Variants in AFAP1L1 observed in about 807,000 individuals in gnomAD.
The protein encoded by AFAP1L1 is actin filament-associated protein 1-like 1.
A neutral mutation model predicts 99.8 loss-of-function variants in AFAP1L1; 77 were observed. That is an observed-to-expected ratio of 0.77 (90% CI 0.64 to 0.93). The LOEUF (loss-of-function observed/expected upper bound fraction) is 0.93. AFAP1L1 is among the 40% of genes least tolerant of loss of function. The pLI is 0.00. For synonymous variants in AFAP1L1, 373 were observed against 395.3 expected, an observed-to-expected ratio of 0.94 and a Z score of 0.67; for missense variants, 893 against 996.8, an observed-to-expected ratio of 0.90 and a Z score of 1.40.
Position 149,342,586 on chromosome 5 carries a change from G to A in AFAP1L1, c.*2556G>A, listed in dbSNP as rs1353747305. Among the ~76,000 whole-genome samples, 2 of 152,212 alleles carry A rather than the reference G, an allele frequency of 1.3e-5. No homozygotes were observed. Among genetic ancestry groups the A allele is most frequent in the African/African-American group, 2.4e-5 (1 of 41,454 alleles). ...GGAGAAATGTAAGCAAAATGGCTAA[G>A]GCACAGATGCCACTTGTTCTTGGTT... On this transcript the variant is annotated 3_prime_UTR_variant, in exon 19 of 19. Transcript: ENST00000296721.
intron 3 of AFAP1L1, 76 bp from the exon 4 acceptor site, chr5:149,301,057 C>T: frequency 1.4e-6 from 2 of 1,387,700 alleles, no homozygotes; most frequent in Non-Finnish European, 2.0e-6. Flanking sequence ...CCTCCTGACC[C>T]CAAATCCAGC....
At chr5:149,300,816 G>GAGAGT (rs1756180302) in intron 3 of AFAP1L1, among the ~76,000 whole-genome samples, 1 of 152,266 alleles carries the variant, frequency 6.6e-6, no homozygotes, top group Non-Finnish European at 1.5e-5. Flanking sequence ...GCCTTGGTGA[G>GAGAGT]AGAGTTTTGG....
chr5:149,328,329 A>C (rs1240066181), intron 15 of AFAP1L1, among the ~76,000 whole-genome samples: 1 of 152,212 alleles, frequency 6.6e-6, no homozygotes, highest in Non-Finnish European at 1.5e-5. Context: ...ACAAAAAAAA[A>C]AGTAAAACTT....
chr5:149,297,678 T>C (rs2127593341), intron 1 of AFAP1L1, among the ~76,000 whole-genome samples: 1 of 152,282 alleles, frequency 6.6e-6, no homozygotes. Flanking sequence ...ATAAGATTTA[T>C]ATTTAAAAGA....
At chr5:149,310,353 G>C (rs778792522) in intron 8 of AFAP1L1, among the ~76,000 whole-genome samples, 1 of 152,188 alleles carries the variant, frequency 6.6e-6, no homozygotes, top group Non-Finnish European at 1.5e-5. Flanking sequence ...CTGGTTATTT[G>C]AATTCCCTTT....
chr5:149,341,887 A>G lies in AFAP1L1; in HGVS notation c.*1857A>G, dbSNP rs1447552679. The G allele has an allele frequency of 6.6e-6, 1 of 152,218 alleles. No individual in the cohort carries two copies. The highest frequency in any genetic ancestry group is 1.5e-5 in the Non-Finnish European group (1 of 68,040). The allele number at this position is 152,218 out of a possible 1,614,324, so 9.4% of individuals were successfully genotyped here. ...TCTTTTTTAAAACGTGGATCCTGAAATGTCACCTAACTCTCCAACTATGTC... is the reference window on the plus strand; with the variant it reads ...TCTTTTTTAAAACGTGGATCCTGAAGTGTCACCTAACTCTCCAACTATGTC... On this transcript the variant is annotated 3_prime_UTR_variant, in exon 19 of 19. Coordinates refer to ENST00000296721, the MANE Select transcript of AFAP1L1 (RefSeq NM_152406.4).
intron 15 of AFAP1L1, among the ~76,000 whole-genome samples, chr5:149,328,493 C>T (rs760897784): frequency 1.3e-5 from 2 of 152,092 alleles, no homozygotes; most frequent in Non-Finnish European, 2.9e-5. Flanking sequence ...GTTTCCTCAA[C>T]AATAAAAGAA....
In AFAP1L1 at chr5:149,322,615, C is replaced by T. The variant is rs1409192208; in HGVS notation, c.1708C>T (p.Pro570Ser). ...CTCCATCTCCCACCAGGACGAGGAG[C>T]CCGAGCGCCCCACAGGGGCCCAGGT... ...VPYEKMQDEEPERPTGAQVKR... is the reference protein window; with the variant it reads ...VPYEKMQDEESERPTGAQVKR... Residue 570 changes from proline to serine, a missense_variant, in exon 15 of 19, where the codon CCC (proline) becomes TCC (serine). Physicochemically the swap from Pro to Ser is moderately conservative, Grantham distance 74 (BLOSUM62 -1). Transcript: ENST00000296721. 6.3e-7 allele frequency: 1 copy of T among 1,575,194 alleles called. No homozygotes were observed. The highest frequency in any genetic ancestry group is 8.6e-7 in the Non-Finnish European group (1 of 1,159,092).
intron 4 of AFAP1L1, among the ~76,000 whole-genome samples, 169 bp downstream of exon 4, chr5:149,301,399 C>T (rs1421733882): frequency 2.6e-5 from 4 of 152,082 alleles, no homozygotes; most frequent in Admixed American, 1.3e-4. Flanking sequence ...TTCAATGGCC[C>T]GTGATGTGCT....
intron 1 of AFAP1L1, 41 bp from the exon 2 acceptor site, chr5:149,299,468 A>G (rs2127593737): frequency 1.9e-6 from 3 of 1,610,482 alleles, no homozygotes; most frequent in Middle Eastern, 1.7e-4. Flanking sequence ...CAGAGCTGTG[A>G]CTGTGCAGCT....
At chr5:149,314,292 G>T (rs981102174) in intron 9 of AFAP1L1, among the ~76,000 whole-genome samples, 15 of 152,226 alleles carry the variant, frequency 9.9e-5, no homozygotes, top group African/African-American at 3.6e-4. Context: ...GTGAGTGTGT[G>T]TGTGTGCACG....
chr5:149,321,101 C>T (rs1031841329), intron 14 of AFAP1L1, among the ~76,000 whole-genome samples: 4 of 152,126 alleles, frequency 2.6e-5, no homozygotes, highest in Non-Finnish European at 4.4e-5. Flanking sequence ...ATTAAGCTGC[C>T]GAGGACAACA....
At chr5:149,280,450 G>A (rs987222187) in intron 1 of AFAP1L1, among the ~76,000 whole-genome samples, 5 of 151,584 alleles carry the variant, frequency 3.3e-5, no homozygotes, top group Non-Finnish European at 5.9e-5. Flanking sequence ...TTGATCAGTG[G>A]GTCAGAGGTT....
intron 4 of AFAP1L1, among the ~76,000 whole-genome samples, chr5:149,301,825 A>G (rs1157545010): frequency 2.0e-5 from 3 of 152,262 alleles, no homozygotes; most frequent in African/African-American, 7.2e-5. Flanking sequence ...CAGCAACAGT[A>G]CCAGTCACTA....
At chr5:149,334,922 T>C (rs2127605302) in intron 17 of AFAP1L1, among the ~76,000 whole-genome samples, 1 of 152,126 alleles carries the variant, frequency 6.6e-6, no homozygotes, top group East Asian at 1.9e-4. Context: ...GAAAGGGCTA[T>C]GGGATTGGAA....
rs1245081556 is a variant in AFAP1L1 at position 149,307,389 on chromosome 5, G to A, written c.536-13G>A. On this transcript the variant is annotated splice_polypyrimidine_tract_variant and intron_variant, in intron 6 of 18. Coordinates refer to ENST00000296721, the MANE Select transcript of AFAP1L1 (RefSeq NM_152406.4). ...ATGGCACAGTGATGGATCCTTTCCC[G>A]TGACGCCTGCAGATAATGACTCTGA... 27 of 1,613,680 alleles carry A rather than the reference G, an allele frequency of 1.7e-5. No individual in the cohort carries two copies. The highest frequency in any genetic ancestry group is 3.3e-5 in the South Asian group (3 of 91,078).
At position 149,302,271 on chromosome 5, in the gene AFAP1L1, G is replaced by C. The variant is rs1756247385; in HGVS notation, c.328-147G>C. On this transcript the variant is annotated intron_variant, in intron 4 of 18. Transcript: ENST00000296721. The stretch of plus-strand genomic sequence containing the variant: ...AATCACTGGATAAATATGCCCTCGA[G>C]TTTTACCAGCTCTGTGGCTCTATAA... 5.5e-6 allele frequency: 3 copies of C among 544,330 alleles called. No homozygotes were observed. In the African/African-American group the frequency reaches 5.7e-5, roughly 10 times the overall value. 33.7% of individuals were successfully genotyped at this position (544,330 alleles called of 1,614,324 possible).
In AFAP1L1 at chr5:149,316,256, C is replaced by A; in HGVS notation, c.1220C>A (p.Ala407Asp). Residue 407 changes from alanine to aspartate, a missense_variant, in exon 11 of 19, where the codon GCC (alanine) becomes GAC (aspartate). Coordinates refer to ENST00000296721, the MANE Select transcript of AFAP1L1 (RefSeq NM_152406.4). Reference sequence around the variant, plus strand: ...GGCTTCTCCAAGAAGAAGACACTGGCCGATGACCTGCAGACGTCCTCCACC... The same window carrying A: ...GGCTTCTCCAAGAAGAAGACACTGGACGATGACCTGCAGACGTCCTCCACC... ...IIGFSKKKTL[A>D]DDLQTSSTEE... is the part of the protein sequence containing the mutation. 2 of 1,614,058 alleles carry A rather than the reference C, an allele frequency of 1.2e-6. No homozygotes were observed. Among genetic ancestry groups the A allele is most frequent in the South Asian group, 1.1e-5 (1 of 91,068 alleles).
intron 15 of AFAP1L1, 114 bp from the exon 16 acceptor site, chr5:149,329,552 A>C: frequency 8.9e-7 from 1 of 1,128,352 alleles, no homozygotes; most frequent in South Asian, 1.7e-5. Flanking sequence ...ACTAGGTCTA[A>C]ATATTTCCAT....
Sources: allele counts gnomAD v4.1 joint callset (sites outside exome capture counted in the v4.1 genomes callset), GRCh38; gene constraint gnomAD v4.1.1; transcripts MANE v1.5; gene names NCBI Gene and HGNC (gene_info 2026-07-23, HGNC 2026-07-21).